Variants in D2HGDH observed in about 807,000 individuals in gnomAD.
D2HGDH encodes D-2-hydroxyglutarate dehydrogenase, also known as D-2-hydroxyglutarate dehydrogenase, mitochondrial.
In D2HGDH, 31 loss-of-function variants were observed where a neutral mutation model predicts 46.9. That is an observed-to-expected ratio of 0.66 (90% CI 0.50 to 0.89). The LOEUF is 0.89. Ranked by LOEUF, D2HGDH falls within the 40% of genes least tolerant of loss-of-function variation. D2HGDH has a pLI of 0.00. For missense variants in D2HGDH, 698 were observed against 720.8 expected, an observed-to-expected ratio of 0.97 and a Z score of 0.36; for synonymous variants, 364 against 332.6, an observed-to-expected ratio of 1.09 and a Z score of -1.03.
chr2:241,751,002 C>T (rs1697088561), intron 7 of D2HGDH, among the ~76,000 whole-genome samples: 1 of 152,220 alleles, frequency 6.6e-6, no homozygotes, highest in Admixed American at 6.5e-5. Flanking sequence ...AGGTGATCCA[C>T]CCACCTCAGC....
At chr2:241,760,342 A>G (rs1171800595) in intron 9 of D2HGDH, among the ~76,000 whole-genome samples, 1 of 121,746 alleles carries the variant, frequency 8.2e-6, no homozygotes, top group Non-Finnish European at 1.7e-5. Flanking sequence ...GGCCTTTGCT[A>G]CAGTGTGGGT....
intron 6 of D2HGDH, among the ~76,000 whole-genome samples, chr2:241,747,263 G>A (rs1489345653): frequency 6.6e-6 from 1 of 152,178 alleles, no homozygotes; most frequent in Non-Finnish European, 1.5e-5. Context: ...GTTTCTGCTG[G>A]TTCATGCTCC....
chr2:241,737,977 G>A (rs1469069522), intron 2 of D2HGDH, among the ~76,000 whole-genome samples: 2 of 152,180 alleles, frequency 1.3e-5, no homozygotes, highest in African/African-American at 4.8e-5. Flanking sequence ...AAAGTTTCCA[G>A]ACCGTGTAAT....
At position 241,743,972 on chromosome 2, in the gene D2HGDH, C is replaced by T. The variant is rs1695205255; in HGVS notation, c.684+157C>T. 6.6e-6 allele frequency among the ~76,000 whole-genome samples: 1 copy of T among 152,188 alleles called. No homozygotes were observed. Among genetic ancestry groups the T allele is most frequent in the East Asian group, 1.9e-4 (1 of 5,184 alleles). ...CTCAAGGATGTGTGGGCTACATACA[C>T]CCCCATCCTGAGGGAGGCCTGGCCC... On this transcript the variant is annotated intron_variant, in intron 5 of 9. Transcript: ENST00000321264. The surrounding 1 kb of genome is among the most constrained non-coding windows in gnomAD (Gnocchi z 4.8).
chr2:241,752,052 TACCTTC>T (rs1697338829), intron 8 of D2HGDH, among the ~76,000 whole-genome samples: 2 of 133,220 alleles, frequency 1.5e-5, no homozygotes, highest in Admixed American at 7.3e-5. Context: ...AGCCCTCAGT[TACCTTC>T]ACCGGGGCCT....
Position 241,735,345 on chromosome 2 carries a change from G to T in D2HGDH, c.121G>T (p.Gly41Trp). 6.4e-7 allele frequency: 1 copy of T among 1,555,486 alleles called. No homozygotes were observed. Residue 41 changes from glycine (G) to tryptophan (W), a missense_variant, in exon 2 of 10, where the codon GGG becomes TGG. Coordinates refer to ENST00000321264, the MANE Select transcript of D2HGDH (RefSeq NM_152783.5). ...CCGCAGAGGCTGCTGCTCCGCCCCGGGGACCCCCGAGGTGCCGCTGACCCG... is the reference window on the plus strand; with the variant it reads ...CCGCAGAGGCTGCTGCTCCGCCCCGTGGACCCCCGAGGTGCCGCTGACCCG... ...LARRGCCSAP[G>W]TPEVPLTRER...
chr2:241,749,983 T>C, intron 6 of D2HGDH, 168 bp from the exon 7 acceptor site: 1 of 952,948 alleles, frequency 1.0e-6, no homozygotes. Flanking sequence ...GGCGTGCACC[T>C]GCCAGGCAAA....
At chr2:241,738,895 G>A (rs1300343310) in intron 2 of D2HGDH, among the ~76,000 whole-genome samples, 1 of 152,228 alleles carries the variant, frequency 6.6e-6, no homozygotes, top group Non-Finnish European at 1.5e-5. Context: ...AATTTTAGGT[G>A]AATTATCCCT....
chr2:241,737,304 T>TG (rs1693195268), intron 2 of D2HGDH, among the ~76,000 whole-genome samples: 1 of 152,210 alleles, frequency 6.6e-6, no homozygotes, highest in Non-Finnish European at 1.5e-5. Flanking sequence ...TCACAGGTCT[T>TG]GGGGCATTGG....
intron 8 of D2HGDH, among the ~76,000 whole-genome samples, chr2:241,753,704 T>C (rs372593049): frequency 5.1e-4 from 78 of 152,378 alleles, no homozygotes; most frequent in African/African-American, 1.8e-3. Flanking sequence ...CCCGGGCTCC[T>C]CTGAGTAGTG....
At position 241,735,320 on chromosome 2, in the gene D2HGDH, C is replaced by T. The variant is rs1300970054; in HGVS notation, c.96C>T (p.Ala32=). ...GSWGRPVGPL[A]RRGCCSAPGT... is the part of the protein sequence containing the mutation. ...GGGGTCGGCCGGTTGGCCCCCTGGC[C>T]CGCAGAGGCTGCTGCTCCGCCCCGG... Residue 32 remains alanine (A), a synonymous_variant, in exon 2 of 10, where the codon GCC becomes GCT. Coordinates refer to ENST00000321264, the MANE Select transcript of D2HGDH (RefSeq NM_152783.5). 3.2e-6 allele frequency: 5 copies of T among 1,540,066 alleles called. No individual in the cohort carries two copies. The highest frequency in any genetic ancestry group is 2.4e-5 in the South Asian group (2 of 84,210).
At chr2:241,739,231 G>A (rs1260494332) in intron 2 of D2HGDH, among the ~76,000 whole-genome samples, 1 of 152,200 alleles carries the variant, frequency 6.6e-6, no homozygotes, top group Non-Finnish European at 1.5e-5. Flanking sequence ...CTCATTCTGT[G>A]TCTGGAACGC....
chr2:241,746,218 A>G (rs1246391053), intron 6 of D2HGDH, among the ~76,000 whole-genome samples: 1 of 151,704 alleles, frequency 6.6e-6, no homozygotes, highest in Non-Finnish European at 1.5e-5. Flanking sequence ...TCTCCCCTCC[A>G]TATTGTCATC....
At chr2:241,761,734 G>GT (rs1391356819) in intron 9 of D2HGDH, among the ~76,000 whole-genome samples, 3 of 152,062 alleles carry the variant, frequency 2.0e-5, no homozygotes, top group African/African-American at 7.2e-5. Flanking sequence ...ACATAACCCT[G>GT]TCACCATGTC....
chr2:241,749,746 G>A (rs997224432), intron 6 of D2HGDH: 32 of 337,106 alleles, frequency 9.5e-5, no homozygotes, highest in African/African-American at 6.9e-4. Flanking sequence ...TTTGATGCTG[G>A]TGGTGACACC....
rs1185868784 is a variant in D2HGDH at position 241,755,216 on chromosome 2, G to A, written c.1141-633G>A. The A allele has an allele frequency of 6.0e-5, 68 of 1,127,554 alleles. 1 individual carries two copies. The highest frequency in any genetic ancestry group is 6.0e-4 in the Admixed American group (18 of 29,888). 69.8% of individuals were successfully genotyped at this position (1,127,554 alleles called of 1,614,324 possible). ...CCGTGTCCCTCCTCCTCCACGGCCC[G>A]CCCACCGTGTCCTTCCCTCCCCCGT... On this transcript the variant is annotated intron_variant, in intron 8 of 9. Coordinates refer to ENST00000321264, the MANE Select transcript of D2HGDH (RefSeq NM_152783.5).
chr2:241,743,613 T>C lies in D2HGDH; in HGVS notation c.491-9T>C. The C allele has an allele frequency of 1.9e-6, 3 of 1,611,968 alleles. No homozygotes were observed. The South Asian group carries it at 3.3e-5, about 18-fold the overall frequency. On this transcript the variant is annotated splice_polypyrimidine_tract_variant and intron_variant, in intron 4 of 9. Transcript: ENST00000321264. This position sits in a 1 kb window ranked among gnomAD's most constrained non-coding sequence, Gnocchi z 4.8. ...CCAAGTGCTGCGGCAGCCTGGTCACTCTCTGCAGGAATTCTGGTTTGCCAG... is the reference window on the plus strand; with the variant it reads ...CCAAGTGCTGCGGCAGCCTGGTCACCCTCTGCAGGAATTCTGGTTTGCCAG...
rs75935048 is a variant in D2HGDH at position 241,741,600 on chromosome 2, A to G, written c.350+510A>G. Among the ~76,000 whole-genome samples the G allele has an allele frequency of 2.5e-3, 115 of 46,618 alleles. 1 individual carries two copies. Among genetic ancestry groups the G allele is most frequent in the African/African-American group, 5.5e-3 (33 of 6,046 alleles). 30.6% of individuals were successfully genotyped at this position (46,618 alleles called of 152,430 possible). A position where few individuals can be genotyped will look rare whatever the true frequency, so the allele number is the denominator to read the frequency against. On this transcript the variant is annotated intron_variant, in intron 3 of 9. Coordinates refer to ENST00000321264, the MANE Select transcript of D2HGDH (RefSeq NM_152783.5). Reference sequence around the variant, plus strand: ...CTCCAGGGTTTATTTCATGTGTGGGACTTGCTGTCTCCAGGGTTTATTTCA... The same window carrying G: ...CTCCAGGGTTTATTTCATGTGTGGGGCTTGCTGTCTCCAGGGTTTATTTCA...
In D2HGDH at chr2:241,752,890, C is replaced by T. The variant is rs556966876; in HGVS notation, c.1140+1502C>T. On this transcript the variant is annotated intron_variant, in intron 8 of 9. Coordinates refer to ENST00000321264, the MANE Select transcript of D2HGDH (RefSeq NM_152783.5). ...ACCAGCCCCCATGCCACCCCCAGGG[C>T]GGGCCGTCCTCCATGCCCCCAGCCT... 5.5e-5 allele frequency among the ~76,000 whole-genome samples: 8 copies of T among 145,148 alleles called. No homozygotes were observed. In the East Asian group the frequency reaches 6.3e-4, roughly 11 times the overall value.
Sources: gnomAD v4.1 joint callset for allele counts (sites outside exome capture counted in the v4.1 genomes callset) on GRCh38, gnomAD v4.1.1 for gene constraint, Gnocchi (gnomAD v3.1) non-coding constraint, MANE v1.5 for transcripts, NCBI Gene and HGNC (gene_info 2026-07-23, HGNC 2026-07-21) for gene names.